The following CCDC138 variants were observed in gnomAD, a reference collection of about 807,000 sequenced individuals.
The protein encoded by CCDC138 is coiled-coil domain containing 138.
A neutral mutation model predicts 82.3 loss-of-function variants in CCDC138; 66 were observed. The ratio of observed to expected loss-of-function variants is 0.80; its 90% CI spans 0.66 to 0.98. The LOEUF (loss-of-function observed/expected upper bound fraction) is 0.98. CCDC138 is among the 50% of genes least tolerant of loss of function. The probability of loss-of-function intolerance (pLI) is 0.00; values close to 1 mark genes in which losing one functional copy is unlikely to be tolerated. For synonymous variants in CCDC138, 297 were observed against 265.4 expected, an observed-to-expected ratio of 1.12 and a Z score of -1.16; for missense variants, 816 against 758.9, an observed-to-expected ratio of 1.08 and a Z score of -0.88.
At chr2:108,851,454 A>G (rs1224096546) in intron 12 of CCDC138, among the ~76,000 whole-genome samples, 1 of 152,066 alleles carries the variant, frequency 6.6e-6, no homozygotes, top group Non-Finnish European at 1.5e-5. Context: ...GGTGCCTGCC[A>G]CCATGCCCAG....
rs1456667541 is a variant in CCDC138 at position 108,796,124 on chromosome 2, C to T, written c.576+1403C>T. 2.0e-5 allele frequency among the ~76,000 whole-genome samples: 3 copies of T among 152,182 alleles called. No homozygotes were observed. The East Asian group carries it at 5.8e-4, about 29-fold the overall frequency. The stretch of plus-strand genomic sequence containing the variant: ...AGTGCAGTGGCGCAATCTCGGCTCA[C>T]TGCAAGCTCCGCCTCCTGGGTTCAT... On this transcript the variant is annotated intron_variant, in intron 5 of 14. Coordinates refer to ENST00000295124, the MANE Select transcript of CCDC138 (RefSeq NM_144978.3).
chr2:108,788,205 G>A, intron 2 of CCDC138, 116 bp downstream of exon 2: 4 of 1,019,476 alleles, frequency 3.9e-6, no homozygotes, highest in Non-Finnish European at 5.6e-6. Context: ...AATCACCTGA[G>A]GTCAGGAGTT....
intron 9 of CCDC138, among the ~76,000 whole-genome samples, chr2:108,813,398 G>C (rs923506254): frequency 5.3e-5 from 8 of 151,772 alleles, no homozygotes; most frequent in Non-Finnish European, 1.2e-4. Flanking sequence ...TTTTTTAATA[G>C]GGAAATATCT....
At chr2:108,807,741 C>T (rs1046286856) in intron 7 of CCDC138, among the ~76,000 whole-genome samples, 6 of 152,148 alleles carry the variant, frequency 3.9e-5, no homozygotes, top group Non-Finnish European at 8.8e-5. Context: ...CCTCAGCCTC[C>T]CGAGTATCTG....
At chr2:108,833,726 C>CTTT (rs35850089) in intron 10 of CCDC138, among the ~76,000 whole-genome samples, 1 of 91,026 alleles carries the variant, frequency 1.1e-5, no homozygotes, top group African/African-American at 4.1e-5. Flanking sequence ...GTGGAGTAAA[C>CTTT]TTTTTTTTTT....
chr2:108,851,659 T>C (rs1018313089), intron 12 of CCDC138, among the ~76,000 whole-genome samples: 2 of 152,078 alleles, frequency 1.3e-5, no homozygotes, highest in South Asian at 2.1e-4. Context: ...CACCAGGATA[T>C]AGGGCTGGAC....
intron 10 of CCDC138, 118 bp from the exon 11 acceptor site, chr2:108,839,067 G>A: frequency 1.8e-6 from 2 of 1,093,714 alleles, no homozygotes; most frequent in Non-Finnish European, 2.5e-6. Context: ...GTTTTTTGTT[G>A]GAGAACTCTT....
At chr2:108,873,429 G>A (rs1695571994) in intron 13 of CCDC138, 22 bp from the exon 14 acceptor site, 2 of 1,562,354 alleles carry the variant, frequency 1.3e-6, no homozygotes, top group African/African-American at 1.4e-5. Flanking sequence ...TAATAGTAAA[G>A]CACTGTTGAT....
intron 10 of CCDC138, among the ~76,000 whole-genome samples, chr2:108,820,871 A>G (rs1204937464): frequency 6.6e-6 from 1 of 152,204 alleles, no homozygotes; most frequent in Non-Finnish European, 1.5e-5. Flanking sequence ...AAAGCACACT[A>G]CACAGCAACA....
At chr2:108,863,588 C>G (rs1394510180) in intron 13 of CCDC138, among the ~76,000 whole-genome samples, 3 of 152,106 alleles carry the variant, frequency 2.0e-5, no homozygotes, top group Non-Finnish European at 4.4e-5. Context: ...AGATCTTTTT[C>G]TTTCTATTCT....
intron 11 of CCDC138, among the ~76,000 whole-genome samples, chr2:108,840,088 A>T (rs1198743874): frequency 6.6e-6 from 1 of 152,022 alleles, no homozygotes; most frequent in African/African-American, 2.4e-5. Flanking sequence ...ATTTTTTTAG[A>T]TACTTTTTCT....
intron 11 of CCDC138, among the ~76,000 whole-genome samples, chr2:108,840,964 A>G (rs904437127): frequency 7.3e-5 from 11 of 151,364 alleles, no homozygotes; most frequent in African/African-American, 2.7e-4. Context: ...GATGCCCACC[A>G]CCACACCTGG....
chr2:108,812,784 A>T (rs767408734), intron 8 of CCDC138, 36 bp from the exon 9 acceptor site: 1 of 1,611,668 alleles, frequency 6.2e-7, no homozygotes, highest in African/African-American at 1.3e-5. Flanking sequence ...ATTTAGATAC[A>T]ATTGTTCTTT....
chr2:108,860,765 A>G (rs1174139291), intron 13 of CCDC138, among the ~76,000 whole-genome samples: 2 of 151,404 alleles, frequency 1.3e-5, no homozygotes, highest in Non-Finnish European at 2.9e-5. Context: ...ATAGTTTTCT[A>G]CTTTTGTTGT....
chr2:108,850,062 C>G (rs1221308567), intron 12 of CCDC138, among the ~76,000 whole-genome samples: 1 of 152,208 alleles, frequency 6.6e-6, no homozygotes, highest in African/African-American at 2.4e-5. Context: ...GAAGAAATGT[C>G]AGAGCCAGAT....
At chr2:108,797,610 C>G (rs1177549847) in intron 5 of CCDC138, among the ~76,000 whole-genome samples, 19 of 152,060 alleles carry the variant, frequency 1.2e-4, no homozygotes, top group Admixed American at 1.2e-3. Flanking sequence ...GGATAATCAG[C>G]AGAGCAGTCT....
At chr2:108,790,599 G>A (rs1299400650) in intron 3 of CCDC138, among the ~76,000 whole-genome samples, 1 of 152,216 alleles carries the variant, frequency 6.6e-6, no homozygotes, top group African/African-American at 2.4e-5. Flanking sequence ...CTACTCGGGA[G>A]GCTGAGACAG....
chr2:108,846,881 G>A lies in CCDC138; in HGVS notation c.1467G>A (p.Leu489=), dbSNP rs1159917061. ...KTAAFFKSSN[L]PLRFLSTLIV... The stretch of plus-strand genomic sequence containing the variant: ...CTGCTTTCTTTAAGAGCTCCAATTT[G>A]CCATTGAGATTTTTATCAACCTTAA... The change falls in exon 12 of 15, where the codon TTG becomes TTA. Residue 489 remains leucine (L), a synonymous_variant. Transcript: ENST00000295124. The A allele has an allele frequency of 6.2e-7, 1 of 1,613,470 alleles. No individual in the cohort carries two copies. Among genetic ancestry groups the A allele is most frequent in the South Asian group, 1.1e-5 (1 of 91,032 alleles).
intron 8 of CCDC138, 29 bp from the exon 9 acceptor site, chr2:108,812,791 C>G (rs779835835): frequency 1.9e-6 from 3 of 1,611,330 alleles, no homozygotes; most frequent in African/African-American, 1.3e-5. Flanking sequence ...TACAATTGTT[C>G]TTTAATTCAC....
Sources: gnomAD v4.1 joint callset for allele counts (sites outside exome capture counted in the v4.1 genomes callset) on GRCh38, gnomAD v4.1.1 for gene constraint, MANE v1.5 for transcripts, NCBI Gene and HGNC (gene_info 2026-07-23, HGNC 2026-07-21) for gene names.